The following TK1 variants were observed in gnomAD, a reference collection of about 807,000 sequenced individuals.
TK1 encodes the protein thymidine kinase, cytosolic.
A neutral mutation model predicts 22.4 loss-of-function variants in TK1; 13 were observed. That is an observed-to-expected ratio of 0.58 (90% CI 0.38 to 0.92). The LOEUF is 0.92. Among genes scored for constraint, TK1 ranks in the 40% least tolerant of loss-of-function variants. The probability of loss-of-function intolerance (pLI) is 0.00; values close to 1 mark genes in which losing one functional copy is unlikely to be tolerated. For missense variants in TK1, 251 were observed against 315.7 expected (o/e 0.80, Z 1.55); for synonymous variants, 134 against 125.4 (o/e 1.07, Z -0.46).
At chr17:78,176,368 T>G (rs1338491220) in intron 4 of TK1, among the ~76,000 whole-genome samples, 3 of 152,072 alleles carry the variant, frequency 2.0e-5, no homozygotes, top group African/African-American at 7.2e-5. Flanking sequence ...TTGGGTTGGG[T>G]GAAGCAGGGA....
intron 2 of TK1, among the ~76,000 whole-genome samples, chr17:78,186,307 C>T (rs1041610306): frequency 2.0e-5 from 3 of 152,194 alleles, no homozygotes; most frequent in Admixed American, 6.5e-5. Flanking sequence ...TAGCCCCACC[C>T]GGGTCAGGGA....
chr17:78,183,247 G>A (rs1052000941), intron 3 of TK1, among the ~76,000 whole-genome samples: 3 of 152,126 alleles, frequency 2.0e-5, no homozygotes, highest in African/African-American at 7.2e-5. Flanking sequence ...AGGAGCTGGG[G>A]GCAGACTAGG....
At chr17:78,177,100 G>A (rs1474282326) in intron 4 of TK1, among the ~76,000 whole-genome samples, 2 of 152,072 alleles carry the variant, frequency 1.3e-5, no homozygotes, top group African/African-American at 2.4e-5. Flanking sequence ...TCTTGCACCC[G>A]GCACTTCCCC....
At chr17:78,175,424 C>G in intron 5 of TK1, 105 bp downstream of exon 5, 1 of 1,235,576 alleles carries the variant, frequency 8.1e-7, no homozygotes, top group Non-Finnish European at 1.1e-6. Flanking sequence ...GGCCGTAACC[C>G]TGTGGTGGCT....
chr17:78,185,932 A>T (rs1031631613), intron 2 of TK1, among the ~76,000 whole-genome samples: 10 of 152,160 alleles, frequency 6.6e-5, no homozygotes, highest in African/African-American at 2.2e-4. Flanking sequence ...CTTCCTGAGC[A>T]AGGGGTTTGA....
At chr17:78,181,894 A>G (rs183607358) in intron 4 of TK1, among the ~76,000 whole-genome samples, 89 of 150,480 alleles carry the variant, frequency 5.9e-4, no homozygotes, top group Non-Finnish European at 1.1e-3. Flanking sequence ...AGCAGGGACC[A>G]CAGGTGTGCG....
chr17:78,178,518 G>A (rs762542), intron 4 of TK1, among the ~76,000 whole-genome samples: 2,301 of 152,270 alleles, frequency 0.015, 57 homozygotes, highest in African/African-American at 0.05. Context: ...GGTTCGGCTG[G>A]GCTTCATCCA....
At chr17:78,175,398 A>C in intron 5 of TK1, 131 bp downstream of exon 5, 1 of 1,096,624 alleles carries the variant, frequency 9.1e-7, no homozygotes. Context: ...TGGCTCAGCC[A>C]AGGCCTGAGC....
chr17:78,175,736 C>CT (rs1305476099), intron 4 of TK1, 118 bp from the exon 5 acceptor site: 3 of 858,762 alleles, frequency 3.5e-6, no homozygotes, highest in African/African-American at 1.7e-5. Flanking sequence ...CGGAGTAACT[C>CT]TTAATTCTCC....
chr17:78,175,463 C>A, intron 5 of TK1, 66 bp downstream of exon 5: 1 of 1,487,696 alleles, frequency 6.7e-7, no homozygotes. Context: ...GCTGGTGTCT[C>A]TGTGCCCATC....
chr17:78,174,477 A>G lies in TK1; in HGVS notation c.*282T>C. ...AGCGTGGGGCTCTGTCCCTCACCCC[A>G]AGGAGAGGGAGTGTGCCAGATCCCA... On this transcript the variant is annotated 3_prime_UTR_variant, in exon 7 of 7. Transcript: ENST00000301634. 1 of 475,994 alleles carries G rather than the reference A, an allele frequency of 2.1e-6. No individual in the cohort carries two copies. Among genetic ancestry groups the G allele is most frequent in the South Asian group, 2.8e-5 (1 of 35,864 alleles). 29.5% of individuals were successfully genotyped at this position (475,994 alleles called of 1,614,324 possible).
chr17:78,185,329 C>A (rs1379517533), intron 2 of TK1, among the ~76,000 whole-genome samples, 164 bp from the exon 3 acceptor site: 2 of 151,924 alleles, frequency 1.3e-5, no homozygotes, highest in Admixed American at 6.6e-5. Context: ...AATATCCCTA[C>A]AAAGAGGGTT....
At chr17:78,178,646 T>C (rs543316590) in intron 4 of TK1, among the ~76,000 whole-genome samples, 8 of 152,118 alleles carry the variant, frequency 5.3e-5, no homozygotes, top group Non-Finnish European at 1.0e-4. Context: ...TTCTTTTGTT[T>C]TGTTTTGTTT....
At chr17:78,185,027 G>A (rs779402672) in intron 3 of TK1, 28 bp downstream of exon 3, 82 of 1,575,242 alleles carry the variant, frequency 5.2e-5, no homozygotes, top group Non-Finnish European at 6.5e-5. Context: ...TTTTCCACTG[G>A]ACAGGACTGC....
rs776946976 is a variant in TK1 at position 78,182,686 on chromosome 17, G to A, written c.210-4C>T. 1 of 1,567,074 alleles carries A rather than the reference G, an allele frequency of 6.4e-7. No individual in the cohort carries two copies. The highest frequency in any genetic ancestry group is 8.6e-7 in the Non-Finnish European group (1 of 1,160,652). ...GGGCAGTGCCTCCATGGTGTTCCTG[G>A]GAAGAGAAAGCCAGAGCGTGAGCAG... is the stretch of plus-strand genomic sequence containing the variant. On this transcript the variant is annotated splice_region_variant and splice_polypyrimidine_tract_variant and intron_variant, in intron 3 of 6. Transcript: ENST00000301634.
chr17:78,179,075 A>G, intron 4 of TK1: 1 of 803,890 alleles, frequency 1.2e-6, no homozygotes, highest in Non-Finnish European at 1.5e-6. Context: ...TCGAGGAAGG[A>G]GAAGGGAAAG....
rs1555603234 is a variant in TK1 at position 78,186,924 on chromosome 17, C to T, written c.66+5G>A. The T allele has an allele frequency of 6.4e-7, 1 of 1,568,268 alleles. No individual in the cohort carries two copies. The highest frequency in any genetic ancestry group is 8.6e-7 in the Non-Finnish European group (1 of 1,156,980). Reference sequence around the variant, plus strand: ...CCCAGCCACGCGCAGGGCTGGCCCCCGCACCTGGATCTGCCCCCGGGTCTT... The same window carrying T: ...CCCAGCCACGCGCAGGGCTGGCCCCTGCACCTGGATCTGCCCCCGGGTCTT... On this transcript the variant is annotated splice_donor_5th_base_variant and intron_variant, in intron 1 of 6. Coordinates refer to ENST00000301634, the MANE Select transcript of TK1 (RefSeq NM_003258.5).
At chr17:78,183,722 A>T (rs1449410128) in intron 3 of TK1, 3 of 152,322 alleles carry the variant, frequency 2.0e-5, no homozygotes, top group African/African-American at 4.8e-5. Context: ...CAAACAAAAA[A>T]ACATACTTTA....
chr17:78,181,925 CTTTTTTTTTTTG>C (rs1567833349), intron 4 of TK1, among the ~76,000 whole-genome samples: 5 of 147,220 alleles, frequency 3.4e-5, no homozygotes, highest in African/African-American at 1.3e-4. Flanking sequence ...TGGCTAATTT[CTTTTTTTTTTTG>C]GTAGAGATGG....
Sources: gnomAD v4.1 joint callset for allele counts (sites outside exome capture counted in the v4.1 genomes callset) on GRCh38, gnomAD v4.1.1 for gene constraint, MANE v1.5 for transcripts, NCBI Gene and HGNC (gene_info 2026-07-23, HGNC 2026-07-21) for gene names.